Variants in MAPK14 observed in about 807,000 individuals in gnomAD.
The protein encoded by MAPK14 is CSAID-binding protein.
Under a neutral mutation model 49.6 loss-of-function variants are expected in MAPK14, and 16 were observed. That is an observed-to-expected ratio of 0.32 (90% CI 0.22 to 0.49). The LOEUF (loss-of-function observed/expected upper bound fraction) is 0.49. Ranked by LOEUF, MAPK14 falls within the 20% of genes least tolerant of loss-of-function variation. The probability of loss-of-function intolerance (pLI) is 0.99; values close to 1 mark genes in which losing one functional copy is unlikely to be tolerated. For synonymous variants in MAPK14, 142 were observed against 158.0 expected (o/e 0.90, Z 0.76); for missense variants, 200 against 441.2 (o/e 0.45, Z 4.90).
Position 36,096,210 on chromosome 6 carries a change from T to G in MAPK14, c.762+144T>G, listed in dbSNP as rs144976045. The G allele has an allele frequency of 1.3e-5, 8 of 609,392 alleles. No homozygotes were observed. In the African/African-American group the frequency reaches 1.5e-4, roughly 11 times the overall value. The allele number at this position is 609,392 out of a possible 1,614,324, so 37.7% of individuals were successfully genotyped here. ...CCCGGATGAGTGAGGTATAAGACAG[T>G]GTGAGTGTGTGTGTGCGTGCACGCA... On this transcript the variant is annotated intron_variant, in intron 9 of 11. Coordinates refer to ENST00000229794, the MANE Select transcript of MAPK14 (RefSeq NM_139012.3).
At chr6:36,052,561 C>A (rs1763443337) in intron 1 of MAPK14, 138 bp from the exon 2 acceptor site, 1 of 631,706 alleles carries the variant, frequency 1.6e-6, no homozygotes. Flanking sequence ...GATAATAGGT[C>A]ATTTTGCTTT....
At chr6:36,040,124 A>G (rs1478987540) in intron 1 of MAPK14, among the ~76,000 whole-genome samples, 1 of 152,010 alleles carries the variant, frequency 6.6e-6, no homozygotes, top group Non-Finnish European at 1.5e-5. Flanking sequence ...CAGATTAGGG[A>G]TACTCAACCT....
the MAPK14 span, among the ~76,000 whole-genome samples, chr6:36,124,150 C>CCCTTCCTTCCTTCCTTCCTT: frequency 5.9e-3 from 171 of 28,884 alleles, 11 homozygotes; most frequent in African/African-American, 0.015. Context: ...CTCCCTCCCT[C>CCCTTCCTTCCTTCCTTCCTT]CCTTCCTTCC....
intron 8 of MAPK14, among the ~76,000 whole-genome samples, chr6:36,083,819 C>A (rs1764863959): frequency 6.6e-6 from 1 of 152,198 alleles, no homozygotes; most frequent in South Asian, 2.1e-4. Flanking sequence ...GTGAGATTTC[C>A]CCCAGTGCAG....
rs201053420 is a variant in MAPK14, at chr6:36,110,646, G to A, written c.*2199G>A. 8.5e-5 allele frequency: 13 copies of A among 152,570 alleles called. No individual in the cohort carries two copies. The highest frequency in any genetic ancestry group is 1.8e-4 in the Non-Finnish European group (12 of 68,044). The allele number at this position is 152,570 out of a possible 1,614,324, so 9.5% of individuals were successfully genotyped here. A position where few individuals can be genotyped will look rare whatever the true frequency, so the allele number is the denominator to read the frequency against. On this transcript the variant is annotated 3_prime_UTR_variant, in exon 12 of 12. Coordinates refer to ENST00000229794, the MANE Select transcript of MAPK14 (RefSeq NM_139012.3). ...TTCTCTGAACAGAAAACAAAAGAGA[G>A]AATGAGGGAAATTGCTATTTTATTT...
chr6:36,105,766 T>C (rs569100952), intron 10 of MAPK14, among the ~76,000 whole-genome samples: 19 of 152,280 alleles, frequency 1.2e-4, no homozygotes, highest in Middle Eastern at 3.4e-3. Context: ...TAGATCTCTA[T>C]AGGAAGCTGT....
At chr6:36,087,752 A>G (rs1765045050) in intron 8 of MAPK14, among the ~76,000 whole-genome samples, 1 of 152,232 alleles carries the variant, frequency 6.6e-6, no homozygotes, top group South Asian at 2.1e-4. Context: ...CCATTAAACT[A>G]CTGTTGACAT....
chr6:36,120,058 G>C, the MAPK14 span, among the ~76,000 whole-genome samples: 2 of 152,178 alleles, frequency 1.3e-5, no homozygotes, highest in Admixed American at 6.5e-5. Context: ...GACAGCTTAG[G>C]TTCTAATCCC....
intron 1 of MAPK14, among the ~76,000 whole-genome samples, chr6:36,044,385 G>T (rs147069188): frequency 6.6e-6 from 1 of 152,294 alleles, no homozygotes; most frequent in African/African-American, 2.4e-5. Flanking sequence ...TCATGGTGCA[G>T]TCGTTTGTAC....
intron 8 of MAPK14, among the ~76,000 whole-genome samples, chr6:36,091,640 G>A (rs1765233959): frequency 6.6e-6 from 1 of 152,086 alleles, no homozygotes; most frequent in South Asian, 2.1e-4. Context: ...GTATTTCAGT[G>A]GATTTGCCAG....
chr6:36,074,333 A>G (rs899926490), intron 6 of MAPK14, among the ~76,000 whole-genome samples: 1 of 149,816 alleles, frequency 6.7e-6, no homozygotes, highest in Non-Finnish European at 1.5e-5. Context: ...TATATTAGTC[A>G]TAATAAAGGA....
At chr6:36,118,856 G>A in the MAPK14 span, among the ~76,000 whole-genome samples, 43 of 152,184 alleles carry the variant, frequency 2.8e-4, no homozygotes, top group South Asian at 7.9e-3. Context: ...CCTGCTTCAC[G>A]GTGAGGAAAC....
intron 1 of MAPK14, among the ~76,000 whole-genome samples, chr6:36,050,028 G>T (rs116547067): frequency 6.6e-6 from 1 of 152,162 alleles, no homozygotes; most frequent in Non-Finnish European, 1.5e-5. Flanking sequence ...GATCATTTTC[G>T]AGTAGGAAAA....
At chr6:36,039,403 A>G (rs1350139012) in intron 1 of MAPK14, among the ~76,000 whole-genome samples, 1 of 152,012 alleles carries the variant, frequency 6.6e-6, no homozygotes, top group Non-Finnish European at 1.5e-5. Context: ...CAAATTCCTT[A>G]TTTTCCTCAA....
chr6:36,112,949 A>G (rs1174613577), downstream of MAPK14, among the ~76,000 whole-genome samples: 2 of 152,242 alleles, frequency 1.3e-5, no homozygotes, highest in African/African-American at 4.8e-5. Context: ...CTTAAGAAGC[A>G]AAGAGGGACT....
rs1386421124 is a variant in MAPK14, at chr6:36,099,501, A to T, written c.763-3070A>T. Among the ~76,000 whole-genome samples, 5 of 152,142 alleles carry T rather than the reference A, an allele frequency of 3.3e-5. No individual in the cohort carries two copies. The East Asian group carries it at 9.6e-4, about 29-fold the overall frequency. On this transcript the variant is annotated intron_variant, in intron 9 of 11. Transcript: ENST00000229794. ...GTTAGTCTGTTCGCTAGTTGAAGAG[A>T]CTTGTGGAGGAAATCATGTGGCATG...
chr6:36,116,179 C>T (rs1766057664), downstream of MAPK14, among the ~76,000 whole-genome samples: 1 of 152,108 alleles, frequency 6.6e-6, no homozygotes, highest in South Asian at 2.1e-4. Context: ...GATGCTTGTA[C>T]CTATACATAG....
intron 2 of MAPK14, among the ~76,000 whole-genome samples, chr6:36,056,311 T>C (rs775549704): frequency 7.9e-5 from 12 of 152,216 alleles, no homozygotes; most frequent in Non-Finnish European, 1.8e-4. Flanking sequence ...TTCAGATACA[T>C]TGTCTGCTCA....
intron 8 of MAPK14, among the ~76,000 whole-genome samples, chr6:36,088,827 T>A (rs1046955674): frequency 3.3e-5 from 5 of 151,958 alleles, no homozygotes; most frequent in African/African-American, 1.2e-4. Flanking sequence ...CACTGACCAT[T>A]AGAGAAATGC....
Sources: gnomAD v4.1 joint callset for allele counts (sites outside exome capture counted in the v4.1 genomes callset) on GRCh38, gnomAD v4.1.1 for gene constraint, MANE v1.5 for transcripts, NCBI Gene and HGNC (gene_info 2026-07-23, HGNC 2026-07-21) for gene names.